PDCD4: variants seen among roughly 807,000 people sequenced by gnomAD.
The protein encoded by PDCD4 is programmed cell death protein 4.
In PDCD4, 56 loss-of-function variants were observed where a neutral mutation model predicts 54.0. That is an observed-to-expected ratio of 1.04 (90% CI 0.84 to 1.30). The LOEUF is 1.30. Among genes scored for constraint, PDCD4 ranks in the 50% most tolerant of loss-of-function variants. PDCD4 has a pLI of 0.00. For missense variants in PDCD4, 584 were observed against 559.8 expected (o/e 1.04, Z -0.44); for synonymous variants, 186 against 194.8 (o/e 0.95, Z 0.37).
At chr10:110,874,283 A>C (rs889443709) in intron 1 of PDCD4, among the ~76,000 whole-genome samples, 1 of 152,256 alleles carries the variant, frequency 6.6e-6, no homozygotes, top group Non-Finnish European at 1.5e-5. Flanking sequence ...CATTTCGCTT[A>C]TTAGGTTCTG....
chr10:110,881,262 T>G lies in PDCD4; in HGVS notation c.73T>G (p.Ser25Ala). ...TGATAACTTAAGTGACTCTCTCTTTTCCGGTGATGAAGAAAATGCTGGGAC... is the reference window on the plus strand; with the variant it reads ...TGATAACTTAAGTGACTCTCTCTTTGCCGGTGATGAAGAAAATGCTGGGAC... ...DPDNLSDSLF[S>A]GDEENAGTEE... The change falls in exon 3 of 12, where the codon TCC (serine) becomes GCC (alanine). Residue 25 changes from serine to alanine, a missense_variant. Coordinates refer to ENST00000280154, the MANE Select transcript of PDCD4 (RefSeq NM_014456.5). 1.2e-6 allele frequency: 2 copies of G among 1,613,342 alleles called. No individual in the cohort carries two copies. The highest frequency in any genetic ancestry group is 8.5e-7 in the Non-Finnish European group (1 of 1,179,432).
chr10:110,894,361 C>A, intron 9 of PDCD4, 51 bp from the exon 10 acceptor site: 1 of 987,934 alleles, frequency 1.0e-6, no homozygotes, highest in East Asian at 2.4e-5. Context: ...ATTTTAGGAG[C>A]AGTTTCATAT....
intron 9 of PDCD4, 94 bp from the exon 10 acceptor site, chr10:110,894,318 A>G: frequency 1.1e-6 from 1 of 897,966 alleles, no homozygotes; most frequent in Middle Eastern, 2.2e-4. Context: ...AGTGGTTATT[A>G]AATTTCTACG....
Position 110,876,009 on chromosome 10 carries a change from C to G in PDCD4, c.-19C>G. The G allele has an allele frequency of 3.1e-6, 5 of 1,598,378 alleles. No homozygotes were observed. Among genetic ancestry groups the G allele is most frequent in the Non-Finnish European group, 3.4e-6 (4 of 1,168,234 alleles). On this transcript the variant is annotated 5_prime_UTR_variant, in exon 2 of 12. Coordinates refer to ENST00000280154, the MANE Select transcript of PDCD4 (RefSeq NM_014456.5). ...CATTAGGTAATTTGTTTAATCAGTG[C>G]AAGCGAAATTAAGGGAAAATGGATG...
intron 2 of PDCD4, chr10:110,876,671 G>T (rs964166796): frequency 1.9e-6 from 2 of 1,078,634 alleles, no homozygotes; most frequent in Admixed American, 3.6e-5. Context: ...ATTACCTAGG[G>T]TATTTTCCCT....
chr10:110,887,291 TG>T (rs1448449327), intron 5 of PDCD4, among the ~76,000 whole-genome samples: 8 of 152,168 alleles, frequency 5.3e-5, no homozygotes, highest in African/African-American at 1.9e-4. Flanking sequence ...GTAGCCTACA[TG>T]TAGGCTCTGC....
In PDCD4 at chr10:110,897,958, A is replaced by T. The variant is rs571467722; in HGVS notation, c.1350-70A>T. On this transcript the variant is annotated intron_variant, in intron 11 of 11. Coordinates refer to ENST00000280154, the MANE Select transcript of PDCD4 (RefSeq NM_014456.5). ...CGTAACGAAAAAATACCAAGTTTTT[A>T]ATTTTTTTATATATTGACTATAGTC... 27 of 1,126,220 alleles carry T rather than the reference A, an allele frequency of 2.4e-5. No individual in the cohort carries two copies. In the African/African-American group the frequency reaches 3.8e-4, roughly 16 times the overall value. 69.8% of individuals were successfully genotyped at this position (1,126,220 alleles called of 1,614,324 possible). A position where few individuals can be genotyped will look rare whatever the true frequency, so the allele number is the denominator to read the frequency against.
chr10:110,894,098 T>G lies in PDCD4; in HGVS notation c.998T>G (p.Met333Arg), dbSNP rs1186333996. 2 of 1,588,528 alleles carry G rather than the reference T, an allele frequency of 1.3e-6. No homozygotes were observed. Among genetic ancestry groups the G allele is most frequent in the Non-Finnish European group, 1.7e-6 (2 of 1,157,746 alleles). ...SVNHLVKEID[M>R]LLKEYLLSGD... ...AACTTTTAAATCTAATAGATTGATA[T>G]GCTGCTGAAAGAATATTTACTCTCT... The change falls in exon 9 of 12, where the codon ATG becomes AGG. Residue 333 changes from methionine (M) to arginine (R), a missense_variant. Coordinates refer to ENST00000280154, the MANE Select transcript of PDCD4 (RefSeq NM_014456.5).
rs557847396 is a variant in PDCD4 at position 110,887,248 on chromosome 10, G to C, written c.556-417G>C. On this transcript the variant is annotated intron_variant, in intron 5 of 11. Coordinates refer to ENST00000280154, the MANE Select transcript of PDCD4 (RefSeq NM_014456.5). ...ATTCAGTATAGTAACATACTATACA[G>C]GTTTGTAGCCCGGGAGCAATAGGTT... is the stretch of plus-strand genomic sequence containing the variant. Among the ~76,000 whole-genome samples the C allele has an allele frequency of 2.0e-5, 3 of 152,216 alleles. No homozygotes were observed. The South Asian group carries it at 6.2e-4, about 32-fold the overall frequency.
intron 8 of PDCD4, among the ~76,000 whole-genome samples, chr10:110,891,346 G>T (rs1845752739): frequency 7.1e-6 from 1 of 140,798 alleles, no homozygotes; most frequent in Non-Finnish European, 1.5e-5. Flanking sequence ...GGAGGAGGTT[G>T]CAGTGAGCTG....
chr10:110,885,670 A>G (rs913934149), intron 5 of PDCD4, among the ~76,000 whole-genome samples: 3 of 151,864 alleles, frequency 2.0e-5, no homozygotes, highest in Non-Finnish European at 2.9e-5. Context: ...TATAAAATAT[A>G]ATTTTAGCAG....
chr10:110,881,177 T>TA (rs1845584613), intron 2 of PDCD4, 56 bp from the exon 3 acceptor site: 1 of 1,311,238 alleles, frequency 7.6e-7, no homozygotes, highest in Non-Finnish European at 1.1e-6. Context: ...ACTATATCTA[T>TA]AAAACAGTAG....
rs1845801075 is a variant in PDCD4, at chr10:110,894,481, C to T, written c.1168C>T (p.Leu390Phe). 1.3e-6 allele frequency: 2 copies of T among 1,560,986 alleles called. No individual in the cohort carries two copies. The highest frequency in any genetic ancestry group is 1.1e-5 in the South Asian group (1 of 89,904). The change falls in exon 10 of 12, where the codon CTT (leucine) becomes TTT (phenylalanine). Residue 390 changes from leucine to phenylalanine, a missense_variant. Leu to Phe is a conservative substitution (Grantham distance 22). Coordinates refer to ENST00000280154, the MANE Select transcript of PDCD4 (RefSeq NM_014456.5). ...GATGATTTTGGATTTATTAAAGTCC[C>T]TTTGGAAGTCTTCTACCATTACTGT... Reference protein sequence around the residue: ...FKMILDLLKSLWKSSTITVDQ... With the variant: ...FKMILDLLKSFWKSSTITVDQ...
rs1554849129 is a variant in PDCD4, at chr10:110,887,754, T to C, written c.645T>C (p.His215=). 2 of 1,613,308 alleles carry C rather than the reference T, an allele frequency of 1.2e-6. No individual in the cohort carries two copies. The highest frequency in any genetic ancestry group is 1.7e-6 in the Non-Finnish European group (2 of 1,179,288). Residue 215 remains histidine, a synonymous_variant, in exon 6 of 12, where the codon CAT becomes CAC. Coordinates refer to ENST00000280154, the MANE Select transcript of PDCD4 (RefSeq NM_014456.5). ...TAGCATTGGAGGGGAAGGCTAGTCATAGAGAGATGACATCTAAGCTTCTTT... is the reference window on the plus strand; with the variant it reads ...TAGCATTGGAGGGGAAGGCTAGTCACAGAGAGATGACATCTAAGCTTCTTT... ...VSLALEGKAS[H]REMTSKLLSD...
chr10:110,881,509 G>A lies in PDCD4; in HGVS notation c.320G>A (p.Gly107Glu). ...TTGCTGGATAGGCGATCCAGATCTG[G>A]GAAAGGAAGGGGACTACCAAAGAAA... ...GRLLDRRSRSGKGRGLPKKGG... is the reference protein window; with the variant it reads ...GRLLDRRSRSEKGRGLPKKGG... Residue 107 changes from glycine to glutamate, a missense_variant, in exon 3 of 12, where the codon GGG becomes GAG. Coordinates refer to ENST00000280154, the MANE Select transcript of PDCD4 (RefSeq NM_014456.5). 1 of 1,612,304 alleles carries A rather than the reference G, an allele frequency of 6.2e-7. No individual in the cohort carries two copies. Among genetic ancestry groups the A allele is most frequent in the Non-Finnish European group, 8.5e-7 (1 of 1,178,420 alleles).
At chr10:110,877,258 G>C (rs1487870865) in intron 2 of PDCD4, among the ~76,000 whole-genome samples, 2 of 152,110 alleles carry the variant, frequency 1.3e-5, no homozygotes, top group Non-Finnish European at 1.5e-5. Context: ...TTTCTGCACT[G>C]TCCAGTATGG....
At chr10:110,894,060 T>G (rs1291277547) in intron 8 of PDCD4, 31 bp from the exon 9 acceptor site, 1 of 1,315,168 alleles carries the variant, frequency 7.6e-7, no homozygotes, top group Admixed American at 1.8e-5. Flanking sequence ...AGTTAGGAAT[T>G]CTGACACATC....
chr10:110,888,122 G>T (rs1457290122), intron 6 of PDCD4, among the ~76,000 whole-genome samples: 2 of 150,268 alleles, frequency 1.3e-5, no homozygotes, highest in African/African-American at 4.9e-5. Flanking sequence ...CCTATGATCT[G>T]CATAGTTTTT....
chr10:110,887,850 A>T lies in PDCD4; in HGVS notation c.741A>T (p.Leu247=). 4 of 1,613,114 alleles carry T rather than the reference A, an allele frequency of 2.5e-6. No individual in the cohort carries two copies. The highest frequency in any genetic ancestry group is 3.4e-6 in the Non-Finnish European group (4 of 1,179,194). The change falls in exon 6 of 12, where the codon CTA becomes CTT. Residue 247 remains leucine, a synonymous_variant. Coordinates refer to ENST00000280154, the MANE Select transcript of PDCD4 (RefSeq NM_014456.5). ...EKSFDKLLKD[L]PELALDTPRA... is the part of the protein sequence containing the mutation. ...CATTTGATAAATTGTTGAAAGATCT[A>T]CCTGAATTAGCACTGGATACTCCTA...
Sources: allele counts gnomAD v4.1 joint callset (sites outside exome capture counted in the v4.1 genomes callset), GRCh38; gene constraint gnomAD v4.1.1; transcripts MANE v1.5; gene names NCBI Gene and HGNC (gene_info 2026-07-23, HGNC 2026-07-21).